HTR1E: variants seen among roughly 807,000 people sequenced by gnomAD.
HTR1E encodes the protein 5-HT-1E.
In HTR1E, 3 loss-of-function variants were observed where a neutral mutation model predicts 3.4. The observed-to-expected ratio is 0.89, with a 90% confidence interval of 0.41 to 2.31. The LOEUF is 2.31. Among genes scored for constraint, HTR1E ranks in the 30% most tolerant of loss-of-function variants. The pLI is 0.05. For missense variants in HTR1E, 392 were observed against 467.0 expected, an observed-to-expected ratio of 0.84 and a Z score of 1.48; for synonymous variants, 170 against 182.8, an observed-to-expected ratio of 0.93 and a Z score of 0.56.
chr6:87,007,987 A>G (rs1482875185), intron 1 of HTR1E, among the ~76,000 whole-genome samples: 1 of 152,218 alleles, frequency 6.6e-6, no homozygotes, highest in East Asian at 1.9e-4. Context: ...AAAAATACAA[A>G]GGCAAACCAC....
At chr6:86,942,625 A>G (rs1057075844) in intron 1 of HTR1E, among the ~76,000 whole-genome samples, 11 of 152,254 alleles carry the variant, frequency 7.2e-5, no homozygotes, top group Admixed American at 6.5e-4. Context: ...AGGATTAAAT[A>G]TGTAACTTAA....
intron 1 of HTR1E, among the ~76,000 whole-genome samples, chr6:87,003,495 C>T (rs189366180): frequency 2.0e-4 from 30 of 150,890 alleles, no homozygotes; most frequent in Middle Eastern, 3.4e-3. Context: ...GCTGAGACTG[C>T]GCCATTGCAC....
chr6:86,997,823 G>A (rs1582278287), intron 1 of HTR1E, among the ~76,000 whole-genome samples: 1 of 151,646 alleles, frequency 6.6e-6, no homozygotes, highest in Admixed American at 6.6e-5. Flanking sequence ...ATAAAAATGC[G>A]AGATTCAATT....
chr6:86,987,385 C>T (rs1767804497), intron 1 of HTR1E, among the ~76,000 whole-genome samples: 1 of 152,124 alleles, frequency 6.6e-6, no homozygotes, highest in African/African-American at 2.4e-5. Flanking sequence ...CTGATCTCAT[C>T]CAACCTCCCT....
chr6:86,987,061 A>G (rs1467881161), intron 1 of HTR1E, among the ~76,000 whole-genome samples: 1 of 152,218 alleles, frequency 6.6e-6, no homozygotes, highest in Non-Finnish European at 1.5e-5. Flanking sequence ...AATACAAAGT[A>G]AATAAACACA....
chr6:86,940,154 G>A (rs1038481733), intron 1 of HTR1E, among the ~76,000 whole-genome samples: 1 of 151,876 alleles, frequency 6.6e-6, no homozygotes, highest in Non-Finnish European at 1.5e-5. Context: ...ACAGCACATT[G>A]TCCCCACCTG....
At chr6:86,971,692 CATTTT>C (rs1013331047) in intron 1 of HTR1E, among the ~76,000 whole-genome samples, 9 of 151,830 alleles carry the variant, frequency 5.9e-5, no homozygotes, top group Non-Finnish European at 1.0e-4. Flanking sequence ...GAACAGAAAT[CATTTT>C]ATTTTTTAAT....
intron 1 of HTR1E, among the ~76,000 whole-genome samples, chr6:87,009,046 CT>C (rs1229047557): frequency 6.6e-6 from 1 of 150,646 alleles, no homozygotes; most frequent in East Asian, 2.0e-4. Context: ...ATACGCCACA[CT>C]TCTTTTTATT....
intron 1 of HTR1E, among the ~76,000 whole-genome samples, chr6:86,989,052 T>C (rs75952422): frequency 1.3e-5 from 2 of 152,302 alleles, no homozygotes; most frequent in East Asian, 3.9e-4. Flanking sequence ...TTTTTAAATA[T>C]AATTTCCCCC....
At chr6:86,976,965 A>T (rs1767647134) in intron 1 of HTR1E, among the ~76,000 whole-genome samples, 1 of 152,192 alleles carries the variant, frequency 6.6e-6, no homozygotes, top group Admixed American at 6.5e-5. Context: ...AAAGAATATC[A>T]CTTCTTAGAA....
At chr6:86,963,265 AAG>A (rs1188029738) in intron 1 of HTR1E, among the ~76,000 whole-genome samples, 1 of 152,220 alleles carries the variant, frequency 6.6e-6, no homozygotes, top group Non-Finnish European at 1.5e-5. Context: ...GATATAAAAA[AAG>A]AAAATATTTT....
chr6:87,015,292 T>C lies in HTR1E; in HGVS notation c.-43T>C, dbSNP rs1372595407. On this transcript the variant is annotated 5_prime_UTR_variant, in exon 2 of 2. Transcript: ENST00000305344. Reference sequence around the variant, plus strand: ...TACATAGTTTTCAGCCAAAGGAAAATAACCAACAGCTTCTCCACAGTGTAG... The same window carrying C: ...TACATAGTTTTCAGCCAAAGGAAAACAACCAACAGCTTCTCCACAGTGTAG... 1 of 1,459,832 alleles carries C rather than the reference T, an allele frequency of 6.9e-7. No individual in the cohort carries two copies. Among genetic ancestry groups the C allele is most frequent in the South Asian group, 1.7e-5 (1 of 60,410 alleles). The allele number at this position is 1,459,832 out of a possible 1,614,324, so 90.4% of individuals were successfully genotyped here.
chr6:86,942,000 T>C (rs1413973976), intron 1 of HTR1E, among the ~76,000 whole-genome samples: 2 of 152,176 alleles, frequency 1.3e-5, no homozygotes, highest in African/African-American at 4.8e-5. Context: ...TACATAAAAA[T>C]GCCATTAGAA....
chr6:87,009,849 T>C (rs1340643858), intron 1 of HTR1E, among the ~76,000 whole-genome samples: 4 of 63,822 alleles, frequency 6.3e-5, no homozygotes, highest in African/African-American at 2.3e-4. Context: ...CCCCCCCACC[T>C]CCCTCCCGGA....
intron 1 of HTR1E, among the ~76,000 whole-genome samples, chr6:86,966,990 A>G (rs1046388327): frequency 6.6e-6 from 1 of 152,232 alleles, no homozygotes; most frequent in African/African-American, 2.4e-5. Context: ...AGAGAAACAC[A>G]GAGCTTCTGA....
intron 1 of HTR1E, among the ~76,000 whole-genome samples, chr6:86,972,333 A>G (rs1022516187): frequency 2.0e-5 from 3 of 152,194 alleles, no homozygotes; most frequent in African/African-American, 7.2e-5. Context: ...GTCATGCAGA[A>G]TACTTCAAGG....
At chr6:86,975,924 C>A (rs1434094147) in intron 1 of HTR1E, among the ~76,000 whole-genome samples, 2 of 123,354 alleles carry the variant, frequency 1.6e-5, no homozygotes, top group Non-Finnish European at 3.3e-5. Flanking sequence ...CTGAGACACA[C>A]ACACACACAC....
chr6:86,948,247 T>C (rs1390009905), intron 1 of HTR1E, among the ~76,000 whole-genome samples: 3 of 152,234 alleles, frequency 2.0e-5, no homozygotes, highest in Non-Finnish European at 4.4e-5. Context: ...ATTATCTATT[T>C]AATAAGTTTC....
intron 1 of HTR1E, among the ~76,000 whole-genome samples, chr6:86,948,503 T>C (rs1010970788): frequency 1.3e-5 from 2 of 152,142 alleles, no homozygotes; most frequent in African/African-American, 2.4e-5. Context: ...GGTTTGGTAA[T>C]CCAAGTATAA....
Sources: allele counts gnomAD v4.1 joint callset (sites outside exome capture counted in the v4.1 genomes callset), GRCh38; gene constraint gnomAD v4.1.1; transcripts MANE v1.5; gene names NCBI Gene and HGNC (gene_info 2026-07-23, HGNC 2026-07-21).